The following PRDM16 variants were observed in gnomAD, a reference collection of about 807,000 sequenced individuals.
The protein encoded by PRDM16 is histone-lysine N-methyltransferase PRDM16.
Under a neutral mutation model 110.6 loss-of-function variants are expected in PRDM16, and 23 were observed. That is an observed-to-expected ratio of 0.21 (90% CI 0.15 to 0.29). PRDM16 has a LOEUF of 0.29. Among genes scored for constraint, PRDM16 ranks in the 10% least tolerant of loss-of-function variants. The pLI is 1.00. For synonymous variants in PRDM16, 799 were observed against 781.8 expected, an observed-to-expected ratio of 1.02 and a Z score of -0.37; for missense variants, 1,615 against 1,794.3, an observed-to-expected ratio of 0.90 and a Z score of 1.81.
chr1:3,410,585 G>A lies in PRDM16; in HGVS notation c.1187-799G>A, dbSNP rs566201371. On this transcript the variant is annotated intron_variant, in intron 8 of 16. Transcript: ENST00000270722. Reference sequence around the variant, plus strand: ...GGGCCTCCTGAGAACCTCAGGAACTGTCTGTGTCAACCCAGAGGCTGCCTT... The same window carrying A: ...GGGCCTCCTGAGAACCTCAGGAACTATCTGTGTCAACCCAGAGGCTGCCTT... 2.0e-5 allele frequency among the ~76,000 whole-genome samples: 3 copies of A among 152,326 alleles called. No individual in the cohort carries two copies. In the East Asian group the frequency reaches 5.8e-4, roughly 29 times the overall value.
At chr1:3,137,330 G>A (rs1429916488) in intron 1 of PRDM16, among the ~76,000 whole-genome samples, 1 of 152,256 alleles carries the variant, frequency 6.6e-6, no homozygotes, top group African/African-American at 2.4e-5. Flanking sequence ...TTAGATGCGA[G>A]CCTGTCACTC....
intron 3 of PRDM16, among the ~76,000 whole-genome samples, chr1:3,301,921 G>A (rs1028938743): frequency 7.2e-5 from 11 of 152,208 alleles, no homozygotes; most frequent in East Asian, 3.9e-4. Flanking sequence ...CATCTGGCGC[G>A]TGTTGGTCAC....
chr1:3,337,226 C>T (rs114719936), intron 3 of PRDM16, among the ~76,000 whole-genome samples: 186 of 146,702 alleles, frequency 1.3e-3, no homozygotes, highest in South Asian at 4.7e-3. Context: ...AATGCATACA[C>T]GCACATGTGT....
At position 3,246,015 on chromosome 1, in the gene PRDM16, T is replaced by G. The variant is rs950350174; in HGVS notation, c.438+1878T>G. 1.3e-5 allele frequency among the ~76,000 whole-genome samples: 2 copies of G among 152,110 alleles called. No homozygotes were observed. The highest frequency in any genetic ancestry group is 4.8e-5 in the African/African-American group (2 of 41,410). Reference sequence around the variant, plus strand: ...ATCAGTTTATGCTGGGAGGGGTTGCTTGGTCTAGGAACAGGGGTCAAGTCA... The same window carrying G: ...ATCAGTTTATGCTGGGAGGGGTTGCGTGGTCTAGGAACAGGGGTCAAGTCA... On this transcript the variant is annotated intron_variant, in intron 3 of 16. Transcript: ENST00000270722. This position sits in a 1 kb window ranked among gnomAD's most constrained non-coding sequence, Gnocchi z 5.2.
intron 1 of PRDM16, among the ~76,000 whole-genome samples, chr1:3,171,270 C>T (rs964655526): frequency 1.3e-5 from 2 of 152,224 alleles, no homozygotes; most frequent in Non-Finnish European, 2.9e-5. Flanking sequence ...TCGGCTGTTA[C>T]GGCGCTTGCT....
chr1:3,406,089 G>A (rs965681833), intron 8 of PRDM16, among the ~76,000 whole-genome samples: 2 of 152,202 alleles, frequency 1.3e-5, no homozygotes, highest in African/African-American at 2.4e-5. Context: ...TTGTCAGGGC[G>A]GTGTCTCTAG....
chr1:3,088,786 A>T (rs888194330), intron 1 of PRDM16, among the ~76,000 whole-genome samples: 1 of 141,154 alleles, frequency 7.1e-6, no homozygotes, highest in African/African-American at 2.7e-5. Context: ...ATTATTTATT[A>T]TTTATTTATT....
At chr1:3,154,439 C>T (rs1482497439) in intron 1 of PRDM16, among the ~76,000 whole-genome samples, 3 of 152,170 alleles carry the variant, frequency 2.0e-5, no homozygotes, top group Non-Finnish European at 2.9e-5. Flanking sequence ...CAGGTGGAGG[C>T]GTTGTCAGGA....
intron 3 of PRDM16, among the ~76,000 whole-genome samples, chr1:3,351,058 C>A (rs934421041): frequency 3.9e-5 from 6 of 152,202 alleles, no homozygotes; most frequent in Non-Finnish European, 7.3e-5. Flanking sequence ...ACAGACAGGC[C>A]AAGAGATCCC....
At chr1:3,372,551 C>T (rs1642924617) in intron 3 of PRDM16, among the ~76,000 whole-genome samples, 1 of 152,250 alleles carries the variant, frequency 6.6e-6, no homozygotes, top group Non-Finnish European at 1.5e-5. Context: ...TTGCCACAAG[C>T]CTTTGGTTTG....
chr1:3,074,031 G>C (rs1031093540), intron 1 of PRDM16, among the ~76,000 whole-genome samples: 25 of 152,224 alleles, frequency 1.6e-4, no homozygotes, highest in East Asian at 1.4e-3. Context: ...GGGGCTGTAG[G>C]GGGAGGGAAG....
intron 1 of PRDM16, among the ~76,000 whole-genome samples, chr1:3,170,672 C>T (rs1424251255): frequency 6.6e-6 from 1 of 152,180 alleles, no homozygotes; most frequent in Non-Finnish European, 1.5e-5. Context: ...CAGCCCGCCT[C>T]TGTGCCCAGA....
intron 1 of PRDM16, among the ~76,000 whole-genome samples, chr1:3,174,266 T>C (rs138403321): frequency 1.8e-4 from 27 of 152,268 alleles, no homozygotes; most frequent in African/African-American, 6.3e-4. Context: ...AGGACATCAG[T>C]CCCATTGAAT....
At chr1:3,161,106 T>C (rs759250412) in intron 1 of PRDM16, among the ~76,000 whole-genome samples, 8 of 151,934 alleles carry the variant, frequency 5.3e-5, no homozygotes, top group Non-Finnish European at 1.2e-4. Flanking sequence ...AGCCCTTTCC[T>C]CTCCCGAGAA....
chr1:3,085,305 G>C (rs1446584399), intron 1 of PRDM16, among the ~76,000 whole-genome samples: 5 of 152,198 alleles, frequency 3.3e-5, no homozygotes, highest in African/African-American at 1.2e-4. Context: ...TGCTGGGCTG[G>C]GATCATCCCA....
intron 1 of PRDM16, among the ~76,000 whole-genome samples, chr1:3,151,043 G>A (rs1478232000): frequency 2.0e-5 from 3 of 151,934 alleles, no homozygotes; most frequent in African/African-American, 7.3e-5. Flanking sequence ...TATGGAAGCC[G>A]GGGGCTGGTC....
chr1:3,391,062 C>T (rs1557648594), intron 4 of PRDM16, among the ~76,000 whole-genome samples: 1 of 152,152 alleles, frequency 6.6e-6, no homozygotes, highest in Non-Finnish European at 1.5e-5. Flanking sequence ...TTTCAAGCTC[C>T]TGACCTTGGG....
chr1:3,177,430 C>T (rs1467388920), intron 1 of PRDM16, among the ~76,000 whole-genome samples: 1 of 152,218 alleles, frequency 6.6e-6, no homozygotes, highest in African/African-American at 2.4e-5. Context: ...TGAACATCTC[C>T]CAGCTCGTTC....
chr1:3,325,423 G>A (rs1641866179), intron 3 of PRDM16, among the ~76,000 whole-genome samples: 1 of 152,194 alleles, frequency 6.6e-6, no homozygotes, highest in Admixed American at 6.5e-5. Flanking sequence ...GGCAGAGGCT[G>A]AGGGCTGGCC....
Sources: gnomAD v4.1 joint callset for allele counts (sites outside exome capture counted in the v4.1 genomes callset) on GRCh38, gnomAD v4.1.1 for gene constraint, Gnocchi (gnomAD v3.1) non-coding constraint, MANE v1.5 for transcripts, NCBI Gene and HGNC (gene_info 2026-07-23, HGNC 2026-07-21) for gene names.